The following RBPMS variants were observed in gnomAD, a reference collection of about 807,000 sequenced individuals.
The protein encoded by RBPMS is RNA-binding protein with multiple splicing.
Under a neutral mutation model 26.8 loss-of-function variants are expected in RBPMS, and 7 were observed. The ratio of observed to expected loss-of-function variants is 0.26; its 90% CI spans 0.15 to 0.49. The LOEUF (loss-of-function observed/expected upper bound fraction) is 0.49. Among genes scored for constraint, RBPMS ranks in the 20% least tolerant of loss-of-function variants. The probability of loss-of-function intolerance (pLI) is 0.98; values close to 1 mark genes in which losing one functional copy is unlikely to be tolerated. For missense variants in RBPMS, 186 were observed against 250.0 expected, an observed-to-expected ratio of 0.74 and a Z score of 1.73; for synonymous variants, 96 against 93.3, an observed-to-expected ratio of 1.03 and a Z score of -0.17.
At position 30,571,075 on chromosome 8, in the gene RBPMS, G is replaced by A. The variant is rs1289942976; in HGVS notation, c.*550G>A. The A allele has an allele frequency of 2.0e-5, 3 of 151,628 alleles. No individual in the cohort carries two copies. The highest frequency in any genetic ancestry group is 2.9e-5 in the Non-Finnish European group (2 of 68,020). The allele number at this position is 151,628 out of a possible 1,614,324, so 9.4% of individuals were successfully genotyped here. A position where few individuals can be genotyped will look rare whatever the true frequency, so the allele number is the denominator to read the frequency against. On this transcript the variant is annotated 3_prime_UTR_variant, in exon 9 of 9. Coordinates refer to ENST00000397323, the MANE Select transcript of RBPMS (RefSeq NM_001008710.3). ...GTATTGTGAATATATAGAAATCTGTGCCTGGCCGGAGTCCAGGGTAAATTA... is the reference window on the plus strand; with the variant it reads ...GTATTGTGAATATATAGAAATCTGTACCTGGCCGGAGTCCAGGGTAAATTA...
At chr8:30,532,442 C>T (rs1449716076) in intron 5 of RBPMS, among the ~76,000 whole-genome samples, 1 of 152,178 alleles carries the variant, frequency 6.6e-6, no homozygotes, top group Non-Finnish European at 1.5e-5. Context: ...TGTGCAGTAA[C>T]TATATGCATG....
At chr8:30,436,768 GT>G (rs1812493816) in intron 1 of RBPMS, among the ~76,000 whole-genome samples, 1 of 152,092 alleles carries the variant, frequency 6.6e-6, no homozygotes, top group South Asian at 2.1e-4. Flanking sequence ...TTGTGTTTTT[GT>G]TTTAAAAAGA....
intron 1 of RBPMS, among the ~76,000 whole-genome samples, chr8:30,440,151 G>A (rs1461919823): frequency 3.3e-5 from 5 of 152,086 alleles, no homozygotes; most frequent in African/African-American, 1.2e-4. Context: ...TTACTAAGGC[G>A]GGTGTCAAAC....
chr8:30,498,764 A>G (rs1014862374), intron 4 of RBPMS, among the ~76,000 whole-genome samples: 15 of 152,336 alleles, frequency 9.8e-5, no homozygotes, highest in African/African-American at 3.4e-4. Context: ...TCTCGCTATT[A>G]GAGGAGTTAC....
chr8:30,511,529 CTGTG>C (rs10596340), intron 5 of RBPMS, among the ~76,000 whole-genome samples: 22,609 of 117,344 alleles, frequency 0.19, 2,539 homozygotes, highest in South Asian at 0.38. Context: ...ATATATATTT[CTGTG>C]TGTGTGTGTG....
intron 6 of RBPMS, among the ~76,000 whole-genome samples, chr8:30,551,930 G>A (rs1487631310): frequency 6.6e-6 from 1 of 152,152 alleles, no homozygotes; most frequent in Non-Finnish European, 1.5e-5. Context: ...AAGATGTTTG[G>A]CTTAAAGTCA....
At position 30,415,071 on chromosome 8, in the gene RBPMS, A is replaced by AT. The variant is rs1164275035; in HGVS notation, c.66+29913_66+29914insT. Among the ~76,000 whole-genome samples, 4 of 152,258 alleles carry AT rather than the reference A, an allele frequency of 2.6e-5. No individual in the cohort carries two copies. In the East Asian group the frequency reaches 7.7e-4, roughly 29 times the overall value. ...ATTCAAAGATCCAAGTGTCTACACC[A>AT]CTTCTAGCTGGATGCTAATGTGTCC... is the stretch of plus-strand genomic sequence containing the variant. On this transcript the variant is annotated intron_variant, in intron 1 of 8. Transcript: ENST00000397323.
At chr8:30,559,722 T>C (rs1470999107) in intron 7 of RBPMS, among the ~76,000 whole-genome samples, 2 of 152,240 alleles carry the variant, frequency 1.3e-5, no homozygotes, top group African/African-American at 4.8e-5. Context: ...AGTCTTCTCT[T>C]GGTTTACACA....
At chr8:30,570,460 T>A (rs1035669726) in intron 8 of RBPMS, among the ~76,000 whole-genome samples, 177 bp from the exon 9 acceptor site, 8 of 152,304 alleles carry the variant, frequency 5.3e-5, no homozygotes, top group Middle Eastern at 3.4e-3. Context: ...TTGCCCCATG[T>A]TTCTAATCAA....
intron 2 of RBPMS, among the ~76,000 whole-genome samples, chr8:30,475,824 G>A (rs1018122659): frequency 1.1e-4 from 16 of 152,114 alleles, no homozygotes; most frequent in Admixed American, 5.9e-4. Context: ...ATGTCATAAG[G>A]GACATAAGTC....
intron 4 of RBPMS, among the ~76,000 whole-genome samples, chr8:30,480,499 C>G (rs990353269): frequency 2.4e-4 from 37 of 152,144 alleles, no homozygotes; most frequent in African/African-American, 8.2e-4. Context: ...AGAAGAAACA[C>G]CTTAATTCTT....
intron 1 of RBPMS, among the ~76,000 whole-genome samples, chr8:30,439,944 C>G (rs1377194119): frequency 6.6e-6 from 1 of 152,126 alleles, no homozygotes; most frequent in Non-Finnish European, 1.5e-5. Flanking sequence ...CTTTGGGAGG[C>G]TGAGGCGGGA....
chr8:30,468,915 C>G (rs995066610), intron 1 of RBPMS, among the ~76,000 whole-genome samples: 2 of 17,064 alleles, frequency 1.2e-4, no homozygotes, highest in South Asian at 9.8e-3. Context: ...AAATAAGTAA[C>G]TATACAGTCA....
At chr8:30,569,377 G>A (rs1828112737) in intron 8 of RBPMS, among the ~76,000 whole-genome samples, 1 of 152,186 alleles carries the variant, frequency 6.6e-6, no homozygotes, top group Non-Finnish European at 1.5e-5. Context: ...AAAGTGGCCT[G>A]GTCAGTGAGA....
At chr8:30,525,540 TTCAGAAGCCA>T (rs1354854585) in intron 5 of RBPMS, among the ~76,000 whole-genome samples, 1 of 152,226 alleles carries the variant, frequency 6.6e-6, no homozygotes, top group Non-Finnish European at 1.5e-5. Context: ...TCATCTAAAA[TTCAGAAGCCA>T]TAAAACAAAC....
At chr8:30,509,643 G>A (rs1821384436) in intron 5 of RBPMS, among the ~76,000 whole-genome samples, 1 of 152,176 alleles carries the variant, frequency 6.6e-6, no homozygotes, top group South Asian at 2.1e-4. Context: ...AGCAGTGCAT[G>A]GCATGCACAA....
chr8:30,558,045 G>A (rs1827113566), intron 6 of RBPMS: 1 of 152,218 alleles, frequency 6.6e-6, no homozygotes, highest in South Asian at 2.1e-4. Context: ...TGTATTTTTA[G>A]TAGAGATGAG....
chr8:30,497,099 A>G (rs774757505), intron 4 of RBPMS, among the ~76,000 whole-genome samples: 1 of 152,360 alleles, frequency 6.6e-6, no homozygotes, highest in South Asian at 2.1e-4. Context: ...TGACATGGCT[A>G]TCAATTTTAA....
chr8:30,505,964 A>G (rs1453651031), intron 5 of RBPMS, among the ~76,000 whole-genome samples: 2 of 152,188 alleles, frequency 1.3e-5, no homozygotes, highest in East Asian at 3.8e-4. Context: ...GTTCTTTGAA[A>G]AGATTAATTC....
Sources: gnomAD v4.1 joint callset for allele counts (sites outside exome capture counted in the v4.1 genomes callset) on GRCh38, gnomAD v4.1.1 for gene constraint, MANE v1.5 for transcripts, NCBI Gene and HGNC (gene_info 2026-07-23, HGNC 2026-07-21) for gene names.